PCDH7: variants seen among roughly 807,000 people sequenced by gnomAD.
PCDH7 encodes protocadherin-7.
Under a neutral mutation model 58.9 loss-of-function variants are expected in PCDH7, and 17 were observed. The observed-to-expected ratio is 0.29, with a 90% CI of 0.20 to 0.43. The LOEUF (loss-of-function observed/expected upper bound fraction) is 0.43. Among genes scored for constraint, PCDH7 ranks in the 20% least tolerant of loss-of-function variants. PCDH7 has a pLI of 1.00. For missense variants in PCDH7, 1,274 were observed against 1,441.0 expected, an observed-to-expected ratio of 0.88 and a Z score of 1.88; for synonymous variants, 664 against 616.4, an observed-to-expected ratio of 1.08 and a Z score of -1.14.
At chr4:31,138,154 A>C (rs1719841881) in intron 3 of PCDH7, among the ~76,000 whole-genome samples, 1 of 135,446 alleles carries the variant, frequency 7.4e-6, no homozygotes, top group African/African-American at 2.9e-5. Context: ...AGATTCTATT[A>C]TCTATCTGTC....
chr4:31,056,696 G>A (rs1222741497), intron 3 of PCDH7, among the ~76,000 whole-genome samples: 9 of 151,436 alleles, frequency 5.9e-5, no homozygotes, highest in Admixed American at 1.3e-4. Flanking sequence ...GAGAGAGACA[G>A]CAAGAGAGAA....
intron 3 of PCDH7, among the ~76,000 whole-genome samples, chr4:31,101,005 A>G (rs1385892699): frequency 6.6e-6 from 1 of 152,164 alleles, no homozygotes; most frequent in African/African-American, 2.4e-5. Context: ...CATATTCAAA[A>G]TCACCAAAAA....
intron 1 of PCDH7, among the ~76,000 whole-genome samples, chr4:30,782,897 G>T (rs1722974004): frequency 6.6e-6 from 1 of 152,156 alleles, no homozygotes; most frequent in South Asian, 2.1e-4. Flanking sequence ...TGCTTCAAGG[G>T]AGAAGGGCAA....
chr4:30,957,745 G>C (rs1748006615), intron 3 of PCDH7, among the ~76,000 whole-genome samples: 1 of 152,066 alleles, frequency 6.6e-6, no homozygotes, highest in South Asian at 2.1e-4. Flanking sequence ...GCTTTACATT[G>C]TAAGAGTCTT....
rs531939629 is a variant in PCDH7, at chr4:30,758,752, G to T, written c.70+34156G>T. ...GCACTAAATTAACTACATAACTGTG[G>T]ATTGCTCATTGCTTTTTTATATACT... On this transcript the variant is annotated intron_variant, in intron 1 of 3. Coordinates refer to the PCDH7 transcript ENST00000509759. Among the ~76,000 whole-genome samples, 20 of 152,242 alleles carry T rather than the reference G, an allele frequency of 1.3e-4. No homozygotes were observed. The South Asian group carries it at 4.2e-3, about 32-fold the overall frequency.
intron 1 of PCDH7, among the ~76,000 whole-genome samples, chr4:30,908,914 C>G (rs577474484): frequency 1.3e-5 from 2 of 152,102 alleles, no homozygotes; most frequent in Non-Finnish European, 2.9e-5. Flanking sequence ...TGATGAACAT[C>G]CATGTGAAAA....
chr4:30,770,312 C>CAA (rs933544265), intron 1 of PCDH7, among the ~76,000 whole-genome samples: 3 of 152,186 alleles, frequency 2.0e-5, no homozygotes, highest in African/African-American at 7.2e-5. Context: ...TCTTTTCCTT[C>CAA]AAGGAATAAA....
At chr4:30,932,898 A>G (rs1191040228) in intron 2 of PCDH7, among the ~76,000 whole-genome samples, 2 of 152,204 alleles carry the variant, frequency 1.3e-5, no homozygotes, top group African/African-American at 4.8e-5. Context: ...CATTCAGTAG[A>G]TAAGAAAGTC....
downstream of PCDH7, chr4:31,143,172 C>T (rs1720459517): frequency 5.1e-6 from 1 of 197,306 alleles, no homozygotes; most frequent in Non-Finnish European, 1.0e-5. Context: ...GTTTCTTTCA[C>T]AGTAACTGTA....
chr4:31,056,165 TC>T (rs1235319977), intron 3 of PCDH7, among the ~76,000 whole-genome samples: 1 of 151,850 alleles, frequency 6.6e-6, no homozygotes, highest in Non-Finnish European at 1.5e-5. Flanking sequence ...GCCCAGGAGT[TC>T]TAGACCAGCC....
intron 1 of PCDH7, among the ~76,000 whole-genome samples, chr4:30,826,146 A>G (rs923187256): frequency 6.6e-6 from 1 of 152,172 alleles, no homozygotes; most frequent in Non-Finnish European, 1.5e-5. Context: ...GTTCTATTCC[A>G]TTCGATAACC....
At chr4:31,131,327 C>G (rs769862692) in intron 3 of PCDH7, among the ~76,000 whole-genome samples, 3 of 152,048 alleles carry the variant, frequency 2.0e-5, no homozygotes, top group Non-Finnish European at 4.4e-5. Flanking sequence ...TGATTTCTCC[C>G]CTTTTTATCT....
chr4:30,875,386 G>C (rs188586871), intron 1 of PCDH7, among the ~76,000 whole-genome samples: 1 of 152,116 alleles, frequency 6.6e-6, no homozygotes, highest in African/African-American at 2.4e-5. Context: ...ATCACATTCT[G>C]AGGTAGTAGG....
intron 3 of PCDH7, among the ~76,000 whole-genome samples, chr4:31,019,949 A>G (rs11943270): frequency 0.35 from 52,587 of 151,728 alleles, 11,841 homozygotes; most frequent in African/African-American, 0.63. Context: ...AAGCAGAAGT[A>G]AAATGTTTCA....
At chr4:30,857,745 T>A (rs1220342472) in intron 1 of PCDH7, among the ~76,000 whole-genome samples, 1 of 152,152 alleles carries the variant, frequency 6.6e-6, no homozygotes, top group Admixed American at 6.6e-5. Context: ...CTATCTTGGT[T>A]AAAACTGTAT....
chr4:30,874,079 A>G (rs566315908), intron 1 of PCDH7, among the ~76,000 whole-genome samples: 1 of 152,024 alleles, frequency 6.6e-6, no homozygotes, highest in Non-Finnish European at 1.5e-5. Context: ...AAATAGGAAC[A>G]CTTTTACACT....
intron 3 of PCDH7, among the ~76,000 whole-genome samples, chr4:31,141,003 C>A (rs555182442): frequency 6.6e-6 from 1 of 152,214 alleles, no homozygotes; most frequent in South Asian, 2.1e-4. Context: ...GACGCTGTTT[C>A]AATAATCGAT....
intron 1 of PCDH7, among the ~76,000 whole-genome samples, chr4:30,833,172 A>G (rs1730025798): frequency 2.0e-5 from 3 of 152,112 alleles, no homozygotes. Context: ...GTAGCATCCT[A>G]TTGCTGTTCT....
chr4:30,741,925 G>A (rs1361065013), intron 1 of PCDH7, among the ~76,000 whole-genome samples: 1 of 152,192 alleles, frequency 6.6e-6, no homozygotes, highest in Non-Finnish European at 1.5e-5. Context: ...GATGCAGCGT[G>A]TTTTGCATGA....
Sources: gnomAD v4.1 joint callset for allele counts (sites outside exome capture counted in the v4.1 genomes callset) on GRCh38, gnomAD v4.1.1 for gene constraint, MANE v1.5 for transcripts, NCBI Gene and HGNC (gene_info 2026-07-23, HGNC 2026-07-21) for gene names.